ALOXE3: variants seen among roughly 807,000 people sequenced by gnomAD.
ALOXE3 encodes the protein hydroperoxide isomerase ALOXE3.
A neutral mutation model predicts 87.5 loss-of-function variants in ALOXE3; 78 were observed. That is an observed-to-expected ratio of 0.89 (90% CI 0.74 to 1.08). The LOEUF is 1.08. Among genes scored for constraint, ALOXE3 ranks in the 50% least tolerant of loss-of-function variants. The pLI, the probability that ALOXE3 is intolerant of heterozygous loss-of-function variation, is 0.00. For missense variants in ALOXE3, 946 were observed against 912.4 expected, an observed-to-expected ratio of 1.04 and a Z score of -0.47; for synonymous variants, 363 against 370.8, an observed-to-expected ratio of 0.98 and a Z score of 0.24.
At chr17:8,105,297 A>G (rs1488445469) in intron 13 of ALOXE3, among the ~76,000 whole-genome samples, 1 of 151,418 alleles carries the variant, frequency 6.6e-6, no homozygotes, top group African/African-American at 2.4e-5. Flanking sequence ...CACTTACTAT[A>G]CCTCTGCCTG....
chr17:8,107,798 CAA>C (rs199735818), intron 13 of ALOXE3, among the ~76,000 whole-genome samples: 28,692 of 66,880 alleles, frequency 0.43, 6,548 homozygotes, highest in Non-Finnish European at 0.47. Context: ...GACTCCGTCT[CAA>C]AAAAAAAAAC....
chr17:8,112,344 C>T (rs984361368), intron 6 of ALOXE3, 148 bp from the exon 7 acceptor site: 1 of 656,358 alleles, frequency 1.5e-6, no homozygotes. Context: ...AGTCTAGTAC[C>T]CGGTGGAGGC....
Position 8,096,821 on chromosome 17 carries a change from G to A in ALOXE3, c.1957-15C>T, listed in dbSNP as rs758426673. ...CCCAGGGGCCTCTGGGAGGACATCAGGTAAGAGGTCAGGATGACATTCAGA... is the reference window on the plus strand; with the variant it reads ...CCCAGGGGCCTCTGGGAGGACATCAAGTAAGAGGTCAGGATGACATTCAGA... On this transcript the variant is annotated splice_polypyrimidine_tract_variant and intron_variant, in intron 15 of 15. Coordinates refer to ENST00000448843, the MANE Select transcript of ALOXE3 (RefSeq NM_021628.3). 5 of 1,613,564 alleles carry A rather than the reference G, an allele frequency of 3.1e-6. No homozygotes were observed. Among genetic ancestry groups the A allele is most frequent in the Non-Finnish European group, 4.2e-6 (5 of 1,179,616 alleles).
At chr17:8,112,230 G>T in intron 6 of ALOXE3, 34 bp from the exon 7 acceptor site, 1 of 1,519,030 alleles carries the variant, frequency 6.6e-7, no homozygotes, top group Non-Finnish European at 9.1e-7. Flanking sequence ...GGTGAGGTCT[G>T]GGGGCTAGAG....
intron 15 of ALOXE3, among the ~76,000 whole-genome samples, chr17:8,102,356 A>C (rs1057152971): frequency 6.6e-6 from 1 of 152,056 alleles, no homozygotes; most frequent in African/African-American, 2.4e-5. Context: ...AGCTGGGCAC[A>C]GTGGTGGGTG....
Position 8,104,099 on chromosome 17 carries a change from C to T in ALOXE3, c.1785+16G>A, listed in dbSNP as rs774506355. 1.2e-6 allele frequency: 2 copies of T among 1,610,598 alleles called. No homozygotes were observed. The highest frequency in any genetic ancestry group is 8.5e-7 in the Non-Finnish European group (1 of 1,177,766). ...CTGAGACCTGATGTCCCCAGGCCTG[C>T]CCTTTGTAGCCTCACCTGCCCACTG... On this transcript the variant is annotated intron_variant, in intron 14 of 15. Transcript: ENST00000448843.
At position 8,096,794 on chromosome 17, in the gene ALOXE3, T is replaced by G. The variant is rs759576785; in HGVS notation, c.1969A>C (p.Thr657Pro). ...TCTGTGAAGTGCTCATCTGGGTAGG[T>G]GCCCAGGGGCCTCTGGGAGGACATC... is the stretch of plus-strand genomic sequence containing the variant. Reference protein sequence around the residue: ...QEPKDQRPLGTYPDEHFTEEA... With the variant: ...QEPKDQRPLGPYPDEHFTEEA... Residue 657 changes from threonine to proline, a missense_variant, in exon 16 of 16, where the codon ACC becomes CCC. Transcript: ENST00000448843. 14 of 1,614,128 alleles carry G rather than the reference T, an allele frequency of 8.7e-6. No homozygotes were observed. The highest frequency in any genetic ancestry group is 1.2e-5 in the Non-Finnish European group (14 of 1,180,018).
chr17:8,118,146 G>A lies in ALOXE3; in HGVS notation c.-156C>T. 1.3e-6 allele frequency: 2 copies of A among 1,551,472 alleles called. No individual in the cohort carries two copies. The highest frequency in any genetic ancestry group is 2.4e-5 in the South Asian group (2 of 84,068). On this transcript the variant is annotated 5_prime_UTR_variant, in exon 2 of 16. Coordinates refer to ENST00000448843, the MANE Select transcript of ALOXE3 (RefSeq NM_021628.3). ...TGAGGATGGGCCCAGCTCTCTCTGG[G>A]ATGTTCCTGGGCTTTCTCTCTCCGA...
At chr17:8,116,742 C>T in intron 3 of ALOXE3, 34 bp downstream of exon 3, 1 of 1,605,880 alleles carries the variant, frequency 6.2e-7, no homozygotes, top group Non-Finnish European at 8.5e-7. Context: ...AGGACACCTT[C>T]TGCAGTACAG....
At chr17:8,110,609 C>G in intron 8 of ALOXE3, 81 bp from the exon 9 acceptor site, 1 of 1,592,560 alleles carries the variant, frequency 6.3e-7, no homozygotes, top group South Asian at 1.1e-5. Context: ...ACTTCCACCC[C>G]AGAGAGGAGC....
chr17:8,103,468 T>C lies in ALOXE3; in HGVS notation c.1811A>G (p.Asn604Ser), dbSNP rs766578836. Residue 604 changes from asparagine to serine, a missense_variant, in exon 15 of 16, where the codon AAT becomes AGT. Asn to Ser is a conservative substitution (Grantham distance 46). Coordinates refer to ENST00000448843, the MANE Select transcript of ALOXE3 (RefSeq NM_021628.3). ...GQHDFGAWMP[N>S]APSSMRQPPP... ...GGGCTGCCTCATGGATGATGGAGCA[T>C]TGGGCATCCAGGCCCCAAAGTCATG... 1.9e-5 allele frequency: 31 copies of C among 1,614,030 alleles called. No individual in the cohort carries two copies. Among genetic ancestry groups the C allele is most frequent in the Non-Finnish European group, 2.5e-5 (29 of 1,180,026 alleles).
rs964300840 is a variant in ALOXE3 at position 8,112,166 on chromosome 17, CA to C, written c.710del (p.Leu237TrpfsTer43). ...ASLGMKLRGL[L>X]DRKGSWKKLD... is the part of the protein sequence containing the mutation. The stretch of plus-strand genomic sequence containing the variant: ...GCTTCTTCCAGGAGCCCTTGCGATC[CA>C]ACAGCCCTCGAAGCTTCATTCCCAA... On this transcript the variant is annotated frameshift_variant, in exon 7 of 16. Coordinates refer to ENST00000448843, the MANE Select transcript of ALOXE3 (RefSeq NM_021628.3). LOFTEE classifies it high-confidence loss of function. The C allele has an allele frequency of 6.2e-7, 1 of 1,614,168 alleles. No homozygotes were observed. Among genetic ancestry groups the C allele is most frequent in the African/African-American group, 1.3e-5 (1 of 75,032 alleles).
Position 8,103,891 on chromosome 17 carries a change from T to C in ALOXE3, c.1785+224A>G, listed in dbSNP as rs117939497. On this transcript the variant is annotated intron_variant, in intron 14 of 15. Transcript: ENST00000448843. The stretch of plus-strand genomic sequence containing the variant: ...ACCATGAGAGGAGCCCCTAAGTTCT[T>C]CTCCCAAATTAACATCAACTTGAAT... 8.0e-4 allele frequency among the ~76,000 whole-genome samples: 121 copies of C among 151,918 alleles called. 2 individuals carry two copies. In the East Asian group the frequency reaches 0.023, roughly 29 times the overall value.
In ALOXE3 at chr17:8,096,675, G is replaced by A; in HGVS notation, c.2088C>T (p.Pro696=). ...TGAGGGGAGGGTCCAGGTAGGTGTA[G>A]GGCAGTGCCAGACCCTGGTTCCGCT... ...IQERNQGLAL[P]YTYLDPPLIE... The change falls in exon 16 of 16, where the codon CCC becomes CCT. Residue 696 remains proline (P), a synonymous_variant. Transcript: ENST00000448843. 1 of 1,550,824 alleles carries A rather than the reference G, an allele frequency of 6.4e-7. No individual in the cohort carries two copies. The highest frequency in any genetic ancestry group is 8.9e-7 in the Non-Finnish European group (1 of 1,122,428).
At chr17:8,112,301 G>T in intron 6 of ALOXE3, 105 bp from the exon 7 acceptor site, 1 of 836,908 alleles carries the variant, frequency 1.2e-6, no homozygotes, top group East Asian at 2.4e-5. Context: ...CATCCCCAGA[G>T]TAGAGATGCC....
chr17:8,109,900 G>A lies in ALOXE3; in HGVS notation c.1392+16C>T, dbSNP rs377592174. On this transcript the variant is annotated intron_variant, in intron 11 of 15. Transcript: ENST00000448843. Reference sequence around the variant, plus strand: ...CTTCGGGGGCGGAGATCAGTGACCCGGCAGGGAGGCCGCACCTGGTCCACG... The same window carrying A: ...CTTCGGGGGCGGAGATCAGTGACCCAGCAGGGAGGCCGCACCTGGTCCACG... 1.9e-6 allele frequency: 3 copies of A among 1,547,442 alleles called. No homozygotes were observed. The highest frequency in any genetic ancestry group is 2.7e-5 in the African/African-American group (2 of 72,978).
chr17:8,112,627 A>G, intron 6 of ALOXE3, among the ~76,000 whole-genome samples: 1 of 152,058 alleles, frequency 6.6e-6, no homozygotes, highest in East Asian at 1.9e-4. Flanking sequence ...CTCCCACCCT[A>G]GGCATTAGAC....
Position 8,118,066 on chromosome 17 carries a change from C to T in ALOXE3, c.-76G>A. 6.3e-7 allele frequency: 1 copy of T among 1,577,444 alleles called. No homozygotes were observed. Among genetic ancestry groups the T allele is most frequent in the Non-Finnish European group, 8.6e-7 (1 of 1,163,544 alleles). ...GGCCTGGAGGAGAAGAGCGGCACGC[C>T]GGACAGGGCTGGGTTTCTGGGCGGA... On this transcript the variant is annotated 5_prime_UTR_variant, in exon 2 of 16. Coordinates refer to ENST00000448843, the MANE Select transcript of ALOXE3 (RefSeq NM_021628.3).
chr17:8,108,640 G>A (rs557352021), intron 12 of ALOXE3, 51 bp from the exon 13 acceptor site: 6 of 1,596,540 alleles, frequency 3.8e-6, no homozygotes, highest in African/African-American at 1.3e-5. Context: ...GCTCAGTCCT[G>A]GCCAGGAAAC....
Sources: gnomAD v4.1 joint callset for allele counts (sites outside exome capture counted in the v4.1 genomes callset) on GRCh38, gnomAD v4.1.1 for gene constraint, MANE v1.5 for transcripts, NCBI Gene and HGNC (gene_info 2026-07-23, HGNC 2026-07-21) for gene names.